ZNF260: variants seen among roughly 807,000 people sequenced by gnomAD.
The protein encoded by ZNF260 is zfp-260.
ZNF260 carries 21 observed loss-of-function variants against 29.3 expected under a neutral mutation model. The observed-to-expected ratio is 0.72, with a 90% confidence interval of 0.51 to 1.03. The LOEUF (loss-of-function observed/expected upper bound fraction) is 1.03. Among genes scored for constraint, ZNF260 ranks in the 50% least tolerant of loss-of-function variants. The probability of loss-of-function intolerance (pLI) is 0.00; values close to 1 mark genes in which losing one functional copy is unlikely to be tolerated. For synonymous variants in ZNF260, 156 were observed against 156.8 expected, an observed-to-expected ratio of 0.99 and a Z score of 0.04; for missense variants, 465 against 487.8, an observed-to-expected ratio of 0.95 and a Z score of 0.44.
chr19:36,523,517 T>C (rs1046816078), intron 2 of ZNF260, among the ~76,000 whole-genome samples: 1 of 151,986 alleles, frequency 6.6e-6, no homozygotes, highest in Non-Finnish European at 1.5e-5. Flanking sequence ...GAGACATACC[T>C]GATTGTTTTA....
rs1312981599 is a variant in ZNF260, at chr19:36,512,115, A to G, written c.*1885T>C. ...AATCTGTGGCAAATCATAACCTCCAAGACTATATACAGATTAGAACTACGT... is the reference window on the plus strand; with the variant it reads ...AATCTGTGGCAAATCATAACCTCCAGGACTATATACAGATTAGAACTACGT... On this transcript the variant is annotated 3_prime_UTR_variant, in exon 3 of 3. Transcript: ENST00000523638. 2 of 152,164 alleles carry G rather than the reference A, an allele frequency of 1.3e-5. No homozygotes were observed. Among genetic ancestry groups the G allele is most frequent in the Admixed American group, 6.5e-5 (1 of 15,276 alleles). The allele number at this position is 152,164 out of a possible 1,614,324, so 9.4% of individuals were successfully genotyped here.
At position 36,515,345 on chromosome 19, in the gene ZNF260, TC is replaced by T; in HGVS notation, c.-108del. The T allele has an allele frequency of 8.4e-7, 1 of 1,185,788 alleles. No individual in the cohort carries two copies. The highest frequency in any genetic ancestry group is 1.1e-6 in the Non-Finnish European group (1 of 877,026). The allele number at this position is 1,185,788 out of a possible 1,614,324, so 73.5% of individuals were successfully genotyped here. ...CATATGGTGTATTTTCAATATTAAT[TC>T]TCAGGTATCTAATGAAGTTAAATTT... On this transcript the variant is annotated 5_prime_UTR_variant, in exon 3 of 3. Coordinates refer to ENST00000523638, the MANE Select transcript of ZNF260 (RefSeq NM_001166037.2).
chr19:36,515,424 A>G lies in ZNF260; in HGVS notation c.-186T>C. 3.6e-6 allele frequency: 2 copies of G among 562,394 alleles called. No individual in the cohort carries two copies. Among genetic ancestry groups the G allele is most frequent in the East Asian group, 6.0e-5 (2 of 33,286 alleles). 34.8% of individuals were successfully genotyped at this position (562,394 alleles called of 1,614,324 possible). A position where few individuals can be genotyped will look rare whatever the true frequency, so the allele number is the denominator to read the frequency against. ...TACCCTGAGATGAGATGATTACAAA[A>G]AGGGATAAAATGTAACATTCTCTTT... is the stretch of plus-strand genomic sequence containing the variant. On this transcript the variant is annotated 5_prime_UTR_variant, in exon 3 of 3. Transcript: ENST00000523638.
Position 36,514,996 on chromosome 19 carries a change from C to T in ZNF260, c.243G>A (p.Lys81=), listed in dbSNP as rs1238382720. The T allele has an allele frequency of 9.9e-6, 16 of 1,613,842 alleles. No individual in the cohort carries two copies. The highest frequency in any genetic ancestry group is 1.4e-5 in the Non-Finnish European group (16 of 1,180,000). Residue 81 remains lysine (K), a synonymous_variant, in exon 3 of 3, where the codon AAG becomes AAA. Coordinates refer to ENST00000523638, the MANE Select transcript of ZNF260 (RefSeq NM_001166037.2). ...TTCCACATTTATTACATTTATATGC[C>T]TTCTTTCCTGTGTGACTTCTAAGGT... ...TLHLRSHTGK[K]AYKCNKCGKA...
intron 2 of ZNF260, 91 bp from the exon 3 acceptor site, chr19:36,515,790 CA>C (rs1267613267): frequency 6.6e-6 from 1 of 152,192 alleles, no homozygotes; most frequent in Non-Finnish European, 1.5e-5. Flanking sequence ...ATTAGGTTAT[CA>C]TTATCATCAA....
intron 1 of ZNF260, among the ~76,000 whole-genome samples, chr19:36,525,690 G>A (rs1283209040): frequency 6.6e-6 from 1 of 151,926 alleles, no homozygotes; most frequent in African/African-American, 2.4e-5. Context: ...AGGAGGCTGA[G>A]GCAAGAGAAT....
chr19:36,523,983 C>T (rs998334083), intron 2 of ZNF260, among the ~76,000 whole-genome samples: 2 of 151,962 alleles, frequency 1.3e-5, no homozygotes, highest in Non-Finnish European at 2.9e-5. Flanking sequence ...TAGTGTTGAA[C>T]TATGATGGCT....
intron 2 of ZNF260, among the ~76,000 whole-genome samples, chr19:36,515,902 G>A (rs1271658002): frequency 1.3e-5 from 2 of 149,676 alleles, no homozygotes; most frequent in African/African-American, 2.5e-5. Flanking sequence ...ATGGAATTTC[G>A]CTCTTGTTGC....
chr19:36,511,425 G>A lies in ZNF260; in HGVS notation c.*2575C>T, dbSNP rs1212486405. 1 of 152,160 alleles carries A rather than the reference G, an allele frequency of 6.6e-6. No homozygotes were observed. The highest frequency in any genetic ancestry group is 1.9e-4 in the East Asian group (1 of 5,176). The allele number at this position is 152,160 out of a possible 1,614,324, so 9.4% of individuals were successfully genotyped here. A position where few individuals can be genotyped will look rare whatever the true frequency, so the allele number is the denominator to read the frequency against. On this transcript the variant is annotated 3_prime_UTR_variant, in exon 3 of 3. Coordinates refer to ENST00000523638, the MANE Select transcript of ZNF260 (RefSeq NM_001166037.2). The stretch of plus-strand genomic sequence containing the variant: ...CTAGCACTTTGGGAGGCCGAAGCAG[G>A]TGGATCACCTGAGGTCAGGAATTCA...
chr19:36,526,728 C>A (rs918904326), intron 1 of ZNF260, among the ~76,000 whole-genome samples: 2 of 152,012 alleles, frequency 1.3e-5, no homozygotes, highest in African/African-American at 4.8e-5. Context: ...CGTACAGATA[C>A]AACCATCGCA....
At position 36,513,865 on chromosome 19, in the gene ZNF260, G is replaced by A. The variant is rs980960792; in HGVS notation, c.*135C>T. 4 of 913,120 alleles carry A rather than the reference G, an allele frequency of 4.4e-6. No homozygotes were observed. The highest frequency in any genetic ancestry group is 5.2e-5 in the East Asian group (2 of 38,626). The allele number at this position is 913,120 out of a possible 1,614,324, so 56.6% of individuals were successfully genotyped here. On this transcript the variant is annotated 3_prime_UTR_variant, in exon 3 of 3. Coordinates refer to ENST00000523638, the MANE Select transcript of ZNF260 (RefSeq NM_001166037.2). ...ACTATAATACTTATTAAACATCATA[G>A]TATTTAAGTTTTGAATTGCTGCTGA...
rs536026533 is a variant in ZNF260 at position 36,513,653 on chromosome 19, G to C, written c.*347C>G. 4.8e-6 allele frequency: 2 copies of C among 415,588 alleles called. No individual in the cohort carries two copies. The highest frequency in any genetic ancestry group is 8.5e-6 in the Non-Finnish European group (2 of 234,288). 25.7% of individuals were successfully genotyped at this position (415,588 alleles called of 1,614,324 possible). On this transcript the variant is annotated 3_prime_UTR_variant, in exon 3 of 3. Coordinates refer to ENST00000523638, the MANE Select transcript of ZNF260 (RefSeq NM_001166037.2). ...ATATGTAGCAAAACATCACAAAAAT[G>C]ATAATTTTGTCTCTTAATTTCAAAT...
In ZNF260 at chr19:36,511,778, T is replaced by A. The variant is rs895907432; in HGVS notation, c.*2222A>T. 9 of 152,322 alleles carry A rather than the reference T, an allele frequency of 5.9e-5. No individual in the cohort carries two copies. The highest frequency in any genetic ancestry group is 2.2e-4 in the African/African-American group (9 of 41,572). The allele number at this position is 152,322 out of a possible 1,614,324, so 9.4% of individuals were successfully genotyped here. ...CTGTTTAGGTGGAAGATCTCCTTTT[T>A]CAGCACGGTCTTCCCAAGGTAACAA... On this transcript the variant is annotated 3_prime_UTR_variant, in exon 3 of 3. Transcript: ENST00000523638.
Position 36,515,129 on chromosome 19 carries a change from C to T in ZNF260, c.110G>A (p.Ser37Asn). The change falls in exon 3 of 3, where the codon AGC becomes AAC. Residue 37 changes from serine (S) to asparagine (N), a missense_variant. By Grantham distance (46) the Ser-to-Asn change is conservative. Coordinates refer to ENST00000523638, the MANE Select transcript of ZNF260 (RefSeq NM_001166037.2). ...ATGCTCTACAAGGTTTTGCTTCAGGCTAAAAGTTTTTCTACATTCATTACA... is the reference window on the plus strand; with the variant it reads ...ATGCTCTACAAGGTTTTGCTTCAGGTTAAAAGTTTTTCTACATTCATTACA... ...YECNECRKTF[S>N]LKQNLVEHKK... is the part of the protein sequence containing the mutation. The T allele has an allele frequency of 6.2e-7, 1 of 1,613,948 alleles. No individual in the cohort carries two copies. Among genetic ancestry groups the T allele is most frequent in the Non-Finnish European group, 8.5e-7 (1 of 1,179,942 alleles).
Position 36,522,417 on chromosome 19 carries a change from T to C in ZNF260, c.-462+2738A>G, listed in dbSNP as rs148462402. ...GTTGTAGTGAGCCGAGATCACACCA[T>C]TGCACTCTGGCCTAGGCAACAAGAG... is the stretch of plus-strand genomic sequence containing the variant. On this transcript the variant is annotated intron_variant, in intron 2 of 2. Transcript: ENST00000523638. Among the ~76,000 whole-genome samples, 7 of 152,024 alleles carry C rather than the reference T, an allele frequency of 4.6e-5. No homozygotes were observed. In the East Asian group the frequency reaches 9.7e-4, roughly 21 times the overall value.
chr19:36,523,545 C>T (rs2034679512), intron 2 of ZNF260, among the ~76,000 whole-genome samples: 2 of 150,204 alleles, frequency 1.3e-5, no homozygotes, highest in East Asian at 1.9e-4. Context: ...ATCAAGTATA[C>T]ATATTAAATT....
chr19:36,524,287 C>T (rs1033437842), intron 2 of ZNF260, among the ~76,000 whole-genome samples: 2 of 151,876 alleles, frequency 1.3e-5, no homozygotes, highest in African/African-American at 4.8e-5. Flanking sequence ...GCCATTCTCC[C>T]ACCTCAGCCT....
intron 2 of ZNF260, among the ~76,000 whole-genome samples, chr19:36,520,453 G>A (rs553959278): frequency 4.9e-4 from 75 of 152,034 alleles, no homozygotes; most frequent in Admixed American, 7.9e-4. Context: ...AAGTATAACC[G>A]ATGCGAACTG....
At position 36,514,089 on chromosome 19, in the gene ZNF260, C is replaced by T. The variant is rs2034496990; in HGVS notation, c.1150G>A (p.Gly384Ser). 1.9e-6 allele frequency: 3 copies of T among 1,614,018 alleles called. No homozygotes were observed. Among genetic ancestry groups the T allele is most frequent in the South Asian group, 2.2e-5 (2 of 91,072 alleles). Residue 384 changes from glycine to serine, a missense_variant, in exon 3 of 3, where the codon GGT becomes AGT. By Grantham distance (56) the Gly-to-Ser change is moderately conservative. Coordinates refer to ENST00000523638, the MANE Select transcript of ZNF260 (RefSeq NM_001166037.2). ...TCACTACACTGATAAGGTTTTTCAC[C>T]AGTATGGATTCTCATGTGCAGAGCA... ...TLALHMRIHT[G>S]EKPYQCSECG...
Sources: allele counts gnomAD v4.1 joint callset (sites outside exome capture counted in the v4.1 genomes callset), GRCh38; gene constraint gnomAD v4.1.1; transcripts MANE v1.5; gene names NCBI Gene and HGNC (gene_info 2026-07-23, HGNC 2026-07-21).